Variants in PLCXD3 observed in about 807,000 individuals in gnomAD.
The protein encoded by PLCXD3 is PI-PLC X domain-containing protein 3.
A neutral mutation model predicts 25.5 loss-of-function variants in PLCXD3; 19 were observed. The ratio of observed to expected loss-of-function variants is 0.75; its 90% CI spans 0.52 to 1.09. The LOEUF is 1.09. PLCXD3 is among the 50% of genes least tolerant of loss of function. The probability of loss-of-function intolerance (pLI) is 0.00; values close to 1 mark genes in which losing one functional copy is unlikely to be tolerated. For missense variants in PLCXD3, 411 were observed against 388.1 expected (o/e 1.06, Z -0.50); for synonymous variants, 174 against 137.6 (o/e 1.26, Z -1.85).
chr5:41,358,723 G>A (rs745518802), intron 2 of PLCXD3, among the ~76,000 whole-genome samples: 18 of 152,188 alleles, frequency 1.2e-4, no homozygotes, highest in Admixed American at 4.6e-4. Flanking sequence ...TCTCTTGTCT[G>A]ATTGCTCTGG....
intron 1 of PLCXD3, among the ~76,000 whole-genome samples, chr5:41,477,840 G>C (rs1212396426): frequency 6.6e-6 from 1 of 152,164 alleles, no homozygotes; most frequent in Non-Finnish European, 1.5e-5. Context: ...CTCATTAAAA[G>C]CCTTCATCTC....
chr5:41,486,354 A>G (rs780766854), intron 1 of PLCXD3, among the ~76,000 whole-genome samples: 12 of 151,830 alleles, frequency 7.9e-5, no homozygotes, highest in Non-Finnish European at 1.6e-4. Context: ...ACGTGTCACT[A>G]TGTCTGTCTG....
rs1749017710 is a variant in PLCXD3, at chr5:41,504,585, AT to A, written c.103+5838del. 2.0e-5 allele frequency among the ~76,000 whole-genome samples: 3 copies of A among 152,332 alleles called. No homozygotes were observed. In the South Asian group the frequency reaches 6.2e-4, roughly 32 times the overall value. ...TGGGAGCCTTTGACTCTTGTTAGAC[AT>A]TAACATGCTCAATGTTGGGCCTCTG... is the stretch of plus-strand genomic sequence containing the variant. On this transcript the variant is annotated intron_variant, in intron 1 of 2. Transcript: ENST00000377801.
At chr5:41,313,839 G>A (rs1743212889) in intron 2 of PLCXD3, 69 bp from the exon 3 acceptor site, 1 of 1,467,806 alleles carries the variant, frequency 6.8e-7, no homozygotes, top group Admixed American at 2.4e-5. Context: ...ACAATTCTCA[G>A]TCTTCCCTTT....
chr5:41,390,706 T>C (rs1220134878), intron 1 of PLCXD3, among the ~76,000 whole-genome samples: 2 of 151,874 alleles, frequency 1.3e-5, no homozygotes, highest in Non-Finnish European at 1.5e-5. Flanking sequence ...AAGTAGTTAA[T>C]AACTATCTAC....
chr5:41,485,283 TC>T (rs1416802121), intron 1 of PLCXD3, among the ~76,000 whole-genome samples: 1 of 152,164 alleles, frequency 6.6e-6, no homozygotes, highest in African/African-American at 2.4e-5. Context: ...AAATCCTGTG[TC>T]AATGCAGATG....
chr5:41,452,920 C>T (rs1330386394), intron 1 of PLCXD3, among the ~76,000 whole-genome samples: 5 of 151,784 alleles, frequency 3.3e-5, no homozygotes, highest in South Asian at 4.2e-4. Flanking sequence ...TTGTGAGGTA[C>T]AATGTGATGT....
intron 1 of PLCXD3, among the ~76,000 whole-genome samples, chr5:41,389,332 T>A (rs1328927654): frequency 1.3e-5 from 2 of 152,128 alleles, no homozygotes; most frequent in African/African-American, 4.8e-5. Context: ...GCTTTCCAAA[T>A]CCCTACTGGG....
chr5:41,491,002 T>C (rs920924405), intron 1 of PLCXD3, among the ~76,000 whole-genome samples: 3 of 152,062 alleles, frequency 2.0e-5, no homozygotes, highest in South Asian at 4.1e-4. Flanking sequence ...GCTCTTGCTT[T>C]TCTAGTTCTT....
chr5:41,428,476 T>G (rs1256756579), intron 1 of PLCXD3, among the ~76,000 whole-genome samples: 4 of 150,216 alleles, frequency 2.7e-5, no homozygotes, highest in African/African-American at 9.8e-5. Context: ...CAGGGGCGTA[T>G]GTACACAGAG....
intron 1 of PLCXD3, among the ~76,000 whole-genome samples, chr5:41,501,644 C>T (rs1748952954): frequency 6.6e-6 from 1 of 151,996 alleles, no homozygotes; most frequent in African/African-American, 2.4e-5. Flanking sequence ...GGTAGCAACA[C>T]TGTATTATAT....
chr5:41,491,185 C>T (rs145146043), intron 1 of PLCXD3, among the ~76,000 whole-genome samples: 1 of 152,062 alleles, frequency 6.6e-6, no homozygotes, highest in Non-Finnish European at 1.5e-5. Flanking sequence ...CCTTCATTTC[C>T]TTATGTACCC....
intron 2 of PLCXD3, among the ~76,000 whole-genome samples, chr5:41,376,156 G>A (rs1288250361): frequency 6.6e-6 from 1 of 152,184 alleles, no homozygotes; most frequent in South Asian, 2.1e-4. Context: ...CTGTGATGAT[G>A]AGACTAAGTG....
At chr5:41,370,410 G>A (rs1021972647) in intron 2 of PLCXD3, among the ~76,000 whole-genome samples, 3 of 152,062 alleles carry the variant, frequency 2.0e-5, no homozygotes, top group Non-Finnish European at 2.9e-5. Context: ...TATTGCTGTT[G>A]TTACACTGAA....
At chr5:41,470,311 G>T (rs1053143783) in intron 1 of PLCXD3, among the ~76,000 whole-genome samples, 13 of 152,076 alleles carry the variant, frequency 8.5e-5, no homozygotes, top group African/African-American at 3.1e-4. Flanking sequence ...CTGTTCTACT[G>T]CTCTCCAGAA....
chr5:41,466,206 T>C (rs1748014410), intron 1 of PLCXD3, among the ~76,000 whole-genome samples: 1 of 152,088 alleles, frequency 6.6e-6, no homozygotes, highest in African/African-American at 2.4e-5. Context: ...TAAAAATTGT[T>C]TTTAAAGATT....
At chr5:41,355,171 G>C (rs2150482801) in intron 2 of PLCXD3, among the ~76,000 whole-genome samples, 1 of 152,290 alleles carries the variant, frequency 6.6e-6, no homozygotes, top group South Asian at 2.1e-4. Context: ...CCAGGCCTTA[G>C]TCTACCAAGA....
chr5:41,449,845 G>A (rs879861977), intron 1 of PLCXD3, among the ~76,000 whole-genome samples: 8 of 151,966 alleles, frequency 5.3e-5, no homozygotes, highest in African/African-American at 9.7e-5. Context: ...AATGGGGGGC[G>A]AGGAAGGGCA....
chr5:41,388,079 T>A (rs1023124738), intron 1 of PLCXD3, among the ~76,000 whole-genome samples: 3 of 152,006 alleles, frequency 2.0e-5, no homozygotes, highest in Non-Finnish European at 4.4e-5. Context: ...ACCATTTTCA[T>A]CTGGCTAATT....
Sources: gnomAD v4.1 joint callset for allele counts (sites outside exome capture counted in the v4.1 genomes callset) on GRCh38, gnomAD v4.1.1 for gene constraint, MANE v1.5 for transcripts, NCBI Gene and HGNC (gene_info 2026-07-23, HGNC 2026-07-21) for gene names.